SLC44A5: variants seen among roughly 807,000 people sequenced by gnomAD.
SLC44A5 encodes the protein solute carrier family 44 member 5, also known as choline transporter-like protein 5.
SLC44A5 carries 57 observed loss-of-function variants against 101.8 expected under a neutral mutation model. The observed-to-expected ratio is 0.56, with a 90% CI of 0.45 to 0.70. The LOEUF (loss-of-function observed/expected upper bound fraction) is 0.70. Ranked by LOEUF, SLC44A5 falls within the 30% of genes least tolerant of loss-of-function variation. SLC44A5 has a pLI of 0.00. For missense variants in SLC44A5, 737 were observed against 853.1 expected (o/e 0.86, Z 1.70); for synonymous variants, 281 against 290.9 (o/e 0.97, Z 0.35).
At chr1:75,510,928 G>T (rs1443023325) in intron 2 of SLC44A5, among the ~76,000 whole-genome samples, 1 of 152,180 alleles carries the variant, frequency 6.6e-6, no homozygotes, top group Non-Finnish European at 1.5e-5. Context: ...GGATGACGAG[G>T]TTAGGAGATC....
intron 2 of SLC44A5, among the ~76,000 whole-genome samples, chr1:75,495,429 C>T (rs149304038): frequency 9.9e-5 from 15 of 151,530 alleles, no homozygotes; most frequent in African/African-American, 2.2e-4. Context: ...CACTCCAGCC[C>T]GGGTGACAGA....
At chr1:75,476,632 C>A (rs535742608) in intron 2 of SLC44A5, among the ~76,000 whole-genome samples, 17 of 152,358 alleles carry the variant, frequency 1.1e-4, no homozygotes, top group Non-Finnish European at 2.4e-4. Context: ...CCTACGCCCA[C>A]GGAGTCTCGC....
At chr1:75,291,784 G>T (rs1653565818) in intron 5 of SLC44A5, among the ~76,000 whole-genome samples, 1 of 152,006 alleles carries the variant, frequency 6.6e-6, no homozygotes, top group Non-Finnish European at 1.5e-5. Flanking sequence ...GGCCAAGGCG[G>T]GTGGATCACG....
chr1:75,255,137 T>C lies in SLC44A5; in HGVS notation c.261-3843A>G, dbSNP rs1649912013. Among the ~76,000 whole-genome samples the C allele has an allele frequency of 1.3e-5, 2 of 152,188 alleles. 1 individual carries two copies. The highest frequency in any genetic ancestry group is 4.1e-4 in the South Asian group (2 of 4,824). ...CCACATGGTGCAGAGGCCTCCTTGG[T>C]AAGATGACTGACTAACACAGCAGCA... On this transcript the variant is annotated intron_variant, in intron 6 of 23. Transcript: ENST00000370859.
chr1:75,448,366 A>G (rs1203333806), intron 2 of SLC44A5, among the ~76,000 whole-genome samples: 2 of 152,136 alleles, frequency 1.3e-5, no homozygotes, highest in Non-Finnish European at 2.9e-5. Context: ...GCAACTTTGT[A>G]TTTTAGGAGG....
chr1:75,345,502 C>T (rs12726037), intron 3 of SLC44A5, among the ~76,000 whole-genome samples: 1 of 152,096 alleles, frequency 6.6e-6, no homozygotes, highest in Non-Finnish European at 1.5e-5. Flanking sequence ...ACCCACATAA[C>T]TAAAGCGATC....
intron 3 of SLC44A5, among the ~76,000 whole-genome samples, chr1:75,354,409 C>G (rs1658913416): frequency 6.6e-6 from 1 of 152,222 alleles, no homozygotes; most frequent in African/African-American, 2.4e-5. Flanking sequence ...CATAGACTTG[C>G]TGGCTCCCAG....
chr1:75,456,737 C>A (rs544823556), intron 2 of SLC44A5, among the ~76,000 whole-genome samples: 1 of 152,310 alleles, frequency 6.6e-6, no homozygotes, highest in East Asian at 1.9e-4. Context: ...CTTTATTCCA[C>A]CATCTTTAAC....
chr1:75,565,535 AGGGGTCCTT>A (rs1672744081), intron 1 of SLC44A5, among the ~76,000 whole-genome samples: 1 of 152,232 alleles, frequency 6.6e-6, no homozygotes. Context: ...AATTCTGTAA[AGGGGTCCTT>A]GGCAGAACTA....
At chr1:75,603,874 T>C (rs1230580447) in intron 1 of SLC44A5, among the ~76,000 whole-genome samples, 1 of 151,806 alleles carries the variant, frequency 6.6e-6, no homozygotes, top group Non-Finnish European at 1.5e-5. Context: ...GGTGTTTTAC[T>C]TGTTCAATTG....
At chr1:75,483,567 T>C (rs895928059) in intron 2 of SLC44A5, among the ~76,000 whole-genome samples, 3 of 152,306 alleles carry the variant, frequency 2.0e-5, no homozygotes, top group Admixed American at 6.5e-5. Context: ...TTCCCCTTCT[T>C]TTTAATGAAA....
intron 2 of SLC44A5, among the ~76,000 whole-genome samples, chr1:75,486,253 A>G (rs1166540374): frequency 1.3e-5 from 2 of 152,200 alleles, no homozygotes; most frequent in Non-Finnish European, 2.9e-5. Flanking sequence ...CTTGATATAG[A>G]CAAGAAAATT....
the SLC44A5 span, among the ~76,000 whole-genome samples, chr1:75,635,875 G>A: frequency 6.6e-6 from 1 of 151,700 alleles, no homozygotes; most frequent in Non-Finnish European, 1.5e-5. Context: ...CATTTAATAG[G>A]TATGAAACTT....
chr1:75,205,703 C>T (rs1454600658), intron 23 of SLC44A5: 5 of 152,110 alleles, frequency 3.3e-5, no homozygotes, highest in Admixed American at 1.3e-4. Context: ...AAAGGTGAGA[C>T]AAAATCAAAC....
intron 4 of SLC44A5, among the ~76,000 whole-genome samples, chr1:75,326,155 T>G (rs975307244): frequency 6.6e-6 from 1 of 150,678 alleles, no homozygotes; most frequent in Admixed American, 6.6e-5. Context: ...TAAAATATTA[T>G]GTATTTCATA....
intron 9 of SLC44A5, among the ~76,000 whole-genome samples, chr1:75,238,927 T>C (rs2100591791): frequency 1.3e-5 from 2 of 152,226 alleles, no homozygotes; most frequent in South Asian, 4.1e-4. Context: ...TTTAAAAGAG[T>C]AACAATGATA....
At chr1:75,718,505 T>C in the SLC44A5 span, among the ~76,000 whole-genome samples, 2 of 152,188 alleles carry the variant, frequency 1.3e-5, no homozygotes, top group Non-Finnish European at 2.9e-5. Flanking sequence ...TAAAATGATC[T>C]TGACACCTAA....
In SLC44A5 at chr1:75,413,225, G is replaced by T. The variant is rs186969046; in HGVS notation, c.14-16604C>A. ...AAAAAATAGAGTATATATAGGTTTT[G>T]GTACTTGCTATGATTTCAGGCATCC... On this transcript the variant is annotated intron_variant, in intron 2 of 23. Transcript: ENST00000370859. Among the ~76,000 whole-genome samples the T allele has an allele frequency of 2.6e-4, 40 of 152,122 alleles. No individual in the cohort carries two copies. In the East Asian group the frequency reaches 7.5e-3, roughly 29 times the overall value.
intron 3 of SLC44A5, among the ~76,000 whole-genome samples, chr1:75,383,539 A>G (rs1661061487): frequency 1.3e-5 from 2 of 152,220 alleles, no homozygotes; most frequent in African/African-American, 4.8e-5. Flanking sequence ...AAAGCCTCCA[A>G]GAAATATGGG....
Sources: allele counts gnomAD v4.1 joint callset (sites outside exome capture counted in the v4.1 genomes callset), GRCh38; gene constraint gnomAD v4.1.1; transcripts MANE v1.5; gene names NCBI Gene and HGNC (gene_info 2026-07-23, HGNC 2026-07-21).